The following CA10 variants were observed in gnomAD, a reference collection of about 807,000 sequenced individuals.
CA10 encodes carbonic anhydrase 10 (inactive).
CA10 carries 14 observed loss-of-function variants against 44.2 expected under a neutral mutation model. The ratio of observed to expected loss-of-function variants is 0.32; its 90% CI spans 0.21 to 0.50. The LOEUF is 0.50. Ranked by LOEUF, CA10 falls within the 20% of genes least tolerant of loss-of-function variation. The pLI is 0.99. For synonymous variants in CA10, 159 were observed against 141.6 expected (o/e 1.12, Z -0.87); for missense variants, 350 against 409.7 (o/e 0.85, Z 1.26).
chr17:51,816,110 T>C (rs1017128180), intron 3 of CA10, among the ~76,000 whole-genome samples: 1 of 152,158 alleles, frequency 6.6e-6, no homozygotes, highest in African/African-American at 2.4e-5. Context: ...AATCACTCTT[T>C]TACTCTCTGA....
intron 6 of CA10, among the ~76,000 whole-genome samples, chr17:51,636,777 G>T (rs1025910593): frequency 2.9e-5 from 3 of 104,302 alleles, no homozygotes; most frequent in African/African-American, 9.5e-5. Context: ...TGATTATTTT[G>T]TGTGTGTGTG....
Position 52,026,793 on chromosome 17 carries a change from C to A in CA10, c.136+45526G>T, listed in dbSNP as rs189471109. Among the ~76,000 whole-genome samples, 186 of 152,152 alleles carry A rather than the reference C, an allele frequency of 1.2e-3. 5 individuals are homozygous for A. In the South Asian group the frequency reaches 0.023, roughly 19 times the overall value. On this transcript the variant is annotated intron_variant, in intron 2 of 8. Transcript: ENST00000451037. ...TCAATTACCTCTCATGGGCTCCTTC[C>A]CACAACATATGGGGATTATGGGAAC...
At chr17:51,830,416 T>C (rs1374990792) in intron 3 of CA10, among the ~76,000 whole-genome samples, 1 of 152,004 alleles carries the variant, frequency 6.6e-6, no homozygotes, top group African/African-American at 2.4e-5. Context: ...AGAAAAAGTA[T>C]TGGACTTAAA....
chr17:51,669,787 C>G (rs545726535), intron 4 of CA10, among the ~76,000 whole-genome samples: 1 of 152,356 alleles, frequency 6.6e-6, no homozygotes, highest in East Asian at 1.9e-4. Context: ...CTGTAACACT[C>G]ACCGTGAGGG....
At position 52,157,844 on chromosome 17, in the gene CA10, C is replaced by G. The variant is rs62070291; in HGVS notation, c.-58G>C. On this transcript the variant is annotated 5_prime_UTR_variant, in exon 1 of 9. Coordinates refer to ENST00000451037, the MANE Select transcript of CA10 (RefSeq NM_020178.5). ...CGGGAAAACGGGGGGAAGGGGGGAG[C>G]CCGACACGGCACACACACATACACA... is the stretch of plus-strand genomic sequence containing the variant. 3 of 1,356,166 alleles carry G rather than the reference C, an allele frequency of 2.2e-6. No homozygotes were observed. Among genetic ancestry groups the G allele is most frequent in the Non-Finnish European group, 3.2e-6 (3 of 944,674 alleles). The allele number at this position is 1,356,166 out of a possible 1,614,324, so 84.0% of individuals were successfully genotyped here.
intron 4 of CA10, among the ~76,000 whole-genome samples, chr17:51,702,478 A>G (rs532553866): frequency 6.6e-6 from 1 of 152,224 alleles, no homozygotes; most frequent in African/African-American, 2.4e-5. Flanking sequence ...AAAATTTTGT[A>G]TACTAGTTGA....
intron 3 of CA10, among the ~76,000 whole-genome samples, chr17:51,830,216 A>G (rs71381355): frequency 6.7e-6 from 1 of 149,184 alleles, no homozygotes; most frequent in African/African-American, 2.5e-5. Flanking sequence ...AAAAAAAAAA[A>G]GAAAAAGAAA....
At chr17:52,053,053 C>T (rs1330373748) in intron 2 of CA10, among the ~76,000 whole-genome samples, 1 of 151,940 alleles carries the variant, frequency 6.6e-6, no homozygotes, top group Non-Finnish European at 1.5e-5. Flanking sequence ...ACAGCTGACA[C>T]AGAAATGAAA....
intron 2 of CA10, among the ~76,000 whole-genome samples, chr17:52,068,851 T>C (rs1019740021): frequency 1.3e-5 from 2 of 152,220 alleles, no homozygotes; most frequent in Non-Finnish European, 2.9e-5. Context: ...TGCATGACTA[T>C]ATTAATGTAT....
At position 51,677,887 on chromosome 17, in the gene CA10, C is replaced by A. The variant is rs1033185625; in HGVS notation, c.466-24151G>T. 1.2e-3 allele frequency among the ~76,000 whole-genome samples: 23 copies of A among 19,170 alleles called. No individual in the cohort carries two copies. The South Asian group carries it at 0.026, about 21-fold the overall frequency. The allele number at this position is 19,170 out of a possible 152,430, so 12.6% of individuals were successfully genotyped here. A position where few individuals can be genotyped will look rare whatever the true frequency, so the allele number is the denominator to read the frequency against. On this transcript the variant is annotated intron_variant, in intron 4 of 8. Transcript: ENST00000451037. Reference sequence around the variant, plus strand: ...AACAATGCCACTCCTAGGTATACACCCCCCCCCCCACCGGCTGCCAATTGA... The same window carrying A: ...AACAATGCCACTCCTAGGTATACACACCCCCCCCCACCGGCTGCCAATTGA...
At chr17:51,732,024 CATTATT>C (rs74268815) in intron 4 of CA10, among the ~76,000 whole-genome samples, 2 of 152,002 alleles carry the variant, frequency 1.3e-5, no homozygotes, top group Non-Finnish European at 2.9e-5. Flanking sequence ...AGGTTGACAT[CATTATT>C]ATTATTATTA....
chr17:52,128,854 A>G (rs1989173300), intron 1 of CA10, among the ~76,000 whole-genome samples: 1 of 152,136 alleles, frequency 6.6e-6, no homozygotes, highest in African/African-American at 2.4e-5. Context: ...CCTGGCTTCC[A>G]TGGCAGCTAA....
intron 3 of CA10, among the ~76,000 whole-genome samples, chr17:51,818,188 C>T (rs77672777): frequency 0.048 from 7,246 of 152,242 alleles, 237 homozygotes; most frequent in Non-Finnish European, 0.072. Flanking sequence ...TCAACTGTCA[C>T]GACAGAATTG....
chr17:51,839,868 G>A (rs936170264), intron 3 of CA10, among the ~76,000 whole-genome samples: 8 of 152,174 alleles, frequency 5.3e-5, no homozygotes, highest in African/African-American at 1.9e-4. Context: ...TGAGCAATGG[G>A]TCTCTAACAT....
At chr17:51,742,410 T>C (rs1904502477) in intron 4 of CA10, among the ~76,000 whole-genome samples, 1 of 152,186 alleles carries the variant, frequency 6.6e-6, no homozygotes, top group Non-Finnish European at 1.5e-5. Context: ...CATTGCCTAA[T>C]GGGGCCCTGG....
At chr17:51,676,809 C>G (rs1002188547) in intron 4 of CA10, among the ~76,000 whole-genome samples, 10 of 152,174 alleles carry the variant, frequency 6.6e-5, no homozygotes, top group African/African-American at 2.2e-4. Flanking sequence ...CATATCATGT[C>G]AGGGGCTCTT....
At chr17:51,701,945 C>T (rs903704795) in intron 4 of CA10, among the ~76,000 whole-genome samples, 23 of 152,210 alleles carry the variant, frequency 1.5e-4, no homozygotes, top group African/African-American at 5.5e-4. Context: ...TGCCCTGGGT[C>T]TTGTCCTCAG....
intron 2 of CA10, among the ~76,000 whole-genome samples, chr17:51,957,336 G>A (rs1371767039): frequency 2.0e-5 from 3 of 152,026 alleles, no homozygotes; most frequent in African/African-American, 7.2e-5. Context: ...TATTATGAGA[G>A]TATCTAATTT....
chr17:51,828,168 C>G (rs1908099477), intron 3 of CA10, among the ~76,000 whole-genome samples: 1 of 152,120 alleles, frequency 6.6e-6, no homozygotes, highest in East Asian at 1.9e-4. Context: ...ACTAACACAG[C>G]CTCTTGTGAC....
Sources: gnomAD v4.1 joint callset for allele counts (sites outside exome capture counted in the v4.1 genomes callset) on GRCh38, gnomAD v4.1.1 for gene constraint, MANE v1.5 for transcripts, NCBI Gene and HGNC (gene_info 2026-07-23, HGNC 2026-07-21) for gene names.